Variants in ATP2A2 observed in about 807,000 individuals in gnomAD.
The protein encoded by ATP2A2 is sarcoplasmic/endoplasmic reticulum calcium ATPase 2.
Under a neutral mutation model 109.3 loss-of-function variants are expected in ATP2A2, and 14 were observed. The observed-to-expected ratio is 0.13, with a 90% CI of 0.08 to 0.20. ATP2A2 has a LOEUF of 0.20. ATP2A2 is among the 10% of genes least tolerant of loss of function. The pLI, the probability that ATP2A2 is intolerant of heterozygous loss-of-function variation, is 1.00. For synonymous variants in ATP2A2, 506 were observed against 490.9 expected (o/e 1.03, Z -0.41); for missense variants, 657 against 1,321.6 (o/e 0.50, Z 7.80).
chr12:110,299,536 A>G (rs1165798401), intron 5 of ATP2A2, among the ~76,000 whole-genome samples: 1 of 152,192 alleles, frequency 6.6e-6, no homozygotes, highest in Non-Finnish European at 1.5e-5. Flanking sequence ...CTAGAATATT[A>G]ACTCTGAATC....
intron 6 of ATP2A2, 100 bp downstream of exon 6, chr12:110,323,172 T>C (rs1445439765): frequency 1.1e-6 from 1 of 895,630 alleles, no homozygotes; most frequent in African/African-American, 1.6e-5. Flanking sequence ...TGGTATCCCA[T>C]CTTAATCCTC....
At position 110,346,693 on chromosome 12, in the gene ATP2A2, CTA is replaced by C; in HGVS notation, c.*225_*226del. 7.1e-7 allele frequency: 1 copy of C among 1,406,648 alleles called. No individual in the cohort carries two copies. The highest frequency in any genetic ancestry group is 9.2e-7 in the Non-Finnish European group (1 of 1,084,480). The allele number at this position is 1,406,648 out of a possible 1,614,324, so 87.1% of individuals were successfully genotyped here. A position where few individuals can be genotyped will look rare whatever the true frequency, so the allele number is the denominator to read the frequency against. On this transcript the variant is annotated 3_prime_UTR_variant, in exon 20 of 20. Transcript: ENST00000539276. ...CATTGACATGTACAGAGAACTAACA[CTA>C]TTTTATGCAAATATTTTTTTGTAGA...
rs531838109 is a variant in ATP2A2, at chr12:110,327,540, A to C, written c.631-13A>C. The C allele has an allele frequency of 2.1e-5, 34 of 1,611,386 alleles. 1 individual carries two copies. In the East Asian group the frequency reaches 3.6e-4, roughly 17 times the overall value. ...GTATTCATCTTGTGACCAGTTCTCTACTTCTGTCCTAGGGTACAAACATTG... is the reference window on the plus strand; with the variant it reads ...GTATTCATCTTGTGACCAGTTCTCTCCTTCTGTCCTAGGGTACAAACATTG... On this transcript the variant is annotated splice_polypyrimidine_tract_variant and intron_variant, in intron 7 of 19. Coordinates refer to ENST00000539276, the MANE Select transcript of ATP2A2 (RefSeq NM_170665.4). The surrounding 1 kb of genome is among the most constrained non-coding windows in gnomAD (Gnocchi z 4.4).
At chr12:110,326,835 T>TAG (rs771647930) in intron 7 of ATP2A2, among the ~76,000 whole-genome samples, 4 of 152,078 alleles carry the variant, frequency 2.6e-5, no homozygotes, top group African/African-American at 4.8e-5. Context: ...GGTGCGTGTT[T>TAG]AGAGAGAGAG....
At position 110,346,642 on chromosome 12, in the gene ATP2A2, T is replaced by G; in HGVS notation, c.*172T>G. 1 of 1,464,790 alleles carries G rather than the reference T, an allele frequency of 6.8e-7. No homozygotes were observed. Among genetic ancestry groups the G allele is most frequent in the Non-Finnish European group, 8.9e-7 (1 of 1,118,416 alleles). 90.7% of individuals were successfully genotyped at this position (1,464,790 alleles called of 1,614,324 possible). The stretch of plus-strand genomic sequence containing the variant: ...TGACTCCAGTGGGGCAAGATTTTCC[T>G]TTTTTATACACATAATTAAAGTGTC... On this transcript the variant is annotated 3_prime_UTR_variant, in exon 20 of 20. Coordinates refer to ENST00000539276, the MANE Select transcript of ATP2A2 (RefSeq NM_170665.4).
intron 15 of ATP2A2, among the ~76,000 whole-genome samples, 171 bp from the exon 16 acceptor site, chr12:110,343,061 A>G (rs1879505629): frequency 6.6e-6 from 1 of 152,220 alleles, no homozygotes; most frequent in African/African-American, 2.4e-5. Flanking sequence ...AATTTAAGTA[A>G]TAAACTAAGT....
intron 8 of ATP2A2, 58 bp downstream of exon 8, chr12:110,328,075 T>C (rs1592846172): frequency 6.6e-7 from 1 of 1,514,630 alleles, no homozygotes; most frequent in African/African-American, 1.4e-5. Context: ...CCTACCAATA[T>C]GCCTTCATGC....
intron 6 of ATP2A2, 29 bp from the exon 7 acceptor site, chr12:110,326,361 C>A (rs770432663): frequency 6.3e-7 from 1 of 1,594,392 alleles, no homozygotes; most frequent in South Asian, 1.1e-5. Flanking sequence ...TCGCAGAGAT[C>A]TGTTTTTTCT....
intron 5 of ATP2A2, among the ~76,000 whole-genome samples, chr12:110,318,249 C>CT (rs758187490): frequency 6.6e-6 from 1 of 152,182 alleles, no homozygotes; most frequent in Non-Finnish European, 1.5e-5. Flanking sequence ...CCTTTTAACT[C>CT]TAAGAACCTG....
rs1880074510 is a variant in ATP2A2, at chr12:110,348,277, G to T, written c.*1807G>T. On this transcript the variant is annotated 3_prime_UTR_variant, in exon 20 of 20. Transcript: ENST00000539276. The stretch of plus-strand genomic sequence containing the variant: ...CTTCCCCACTCCCCCACCCCCCCTT[G>T]CTTGGTCTTGTCCTTGGTGGCTAAG... The T allele has an allele frequency of 1.0e-6, 1 of 985,022 alleles. No individual in the cohort carries two copies. Among genetic ancestry groups the T allele is most frequent in the African/African-American group, 1.8e-5 (1 of 57,094 alleles). 61.0% of individuals were successfully genotyped at this position (985,022 alleles called of 1,614,324 possible). A position where few individuals can be genotyped will look rare whatever the true frequency, so the allele number is the denominator to read the frequency against.
chr12:110,295,546 T>C lies in ATP2A2; in HGVS notation c.325-1053T>C, dbSNP rs149887516. 5.8e-3 allele frequency among the ~76,000 whole-genome samples: 888 copies of C among 152,308 alleles called. 9 individuals carry two copies. Among genetic ancestry groups the C allele is most frequent in the African/African-American group, 0.02 (838 of 41,572 alleles). On this transcript the variant is annotated intron_variant, in intron 4 of 19. Transcript: ENST00000539276. ...CAGTCCAGTTAAATTCCACCCAACA[T>C]GATCTTGAAGGGTAAGAATGTCTGA...
At chr12:110,310,302 G>GT in intron 5 of ATP2A2, among the ~76,000 whole-genome samples, 1 of 150,312 alleles carries the variant, frequency 6.7e-6, no homozygotes, top group Non-Finnish European at 1.5e-5. Flanking sequence ...TTTGTGGGAT[G>GT]TTTTTTTGAG....
intron 3 of ATP2A2, among the ~76,000 whole-genome samples, chr12:110,291,724 C>T (rs903433946): frequency 1.4e-5 from 2 of 147,676 alleles, no homozygotes; most frequent in African/African-American, 5.1e-5. Context: ...CGGCTCACTG[C>T]AACCTTTGCC....
intron 5 of ATP2A2, among the ~76,000 whole-genome samples, chr12:110,312,745 G>A (rs967039900): frequency 7.3e-5 from 11 of 151,516 alleles, no homozygotes; most frequent in African/African-American, 2.7e-4. Flanking sequence ...AGCTACTTGG[G>A]TGGCTGAGGC....
Position 110,326,501 on chromosome 12 carries a change from T to G in ATP2A2, c.630+26T>G, listed in dbSNP as rs1877817387. The G allele has an allele frequency of 1.5e-5, 23 of 1,570,530 alleles. No homozygotes were observed. In the East Asian group the frequency reaches 5.2e-4, roughly 35 times the overall value. On this transcript the variant is annotated intron_variant, in intron 7 of 19. Transcript: ENST00000539276. The stretch of plus-strand genomic sequence containing the variant: ...GTAAGTACTTTATGAAATGTGTTTT[T>G]ATTTACAGACATTTCCAAAGCCTAA...
intron 11 of ATP2A2, among the ~76,000 whole-genome samples, chr12:110,337,179 C>T (rs1878914520): frequency 6.6e-6 from 1 of 152,186 alleles, no homozygotes; most frequent in African/African-American, 2.4e-5. Context: ...TGTCATGCTG[C>T]TCATTCACTA....
At chr12:110,335,647 G>A (rs571643575) in intron 11 of ATP2A2, among the ~76,000 whole-genome samples, 1 of 152,388 alleles carries the variant, frequency 6.6e-6, no homozygotes, top group East Asian at 1.9e-4. Flanking sequence ...CAAAGTCTGT[G>A]TGGGTCAGTC....
At chr12:110,332,274 G>A (rs1327951199) in intron 8 of ATP2A2, 1 of 373,642 alleles carries the variant, frequency 2.7e-6, no homozygotes, top group African/African-American at 2.1e-5. Context: ...TGCTGACCGG[G>A]AGTCCTCATA....
chr12:110,292,532 G>T (rs1159450550), intron 4 of ATP2A2, among the ~76,000 whole-genome samples: 2 of 152,162 alleles, frequency 1.3e-5, no homozygotes, highest in Non-Finnish European at 2.9e-5. Flanking sequence ...GCCTCCCAAA[G>T]TGCTGGGATT....
Sources: gnomAD v4.1 joint callset for allele counts (sites outside exome capture counted in the v4.1 genomes callset) on GRCh38, gnomAD v4.1.1 for gene constraint, Gnocchi (gnomAD v3.1) non-coding constraint, MANE v1.5 for transcripts, NCBI Gene and HGNC (gene_info 2026-07-23, HGNC 2026-07-21) for gene names.